ZPBP: variants seen among roughly 807,000 people sequenced by gnomAD.
The protein encoded by ZPBP is zona pellucida binding protein, also known as zona pellucida-binding protein 1.
A neutral mutation model predicts 44.8 loss-of-function variants in ZPBP; 26 were observed. The observed-to-expected ratio is 0.58, with a 90% confidence interval of 0.43 to 0.81. The LOEUF (loss-of-function observed/expected upper bound fraction) is 0.81. Ranked by LOEUF, ZPBP falls within the 30% of genes least tolerant of loss-of-function variation. ZPBP has a pLI of 0.00. For missense variants in ZPBP, 409 were observed against 434.0 expected (o/e 0.94, Z 0.51); for synonymous variants, 174 against 153.2 (o/e 1.14, Z -1.00).
At chr7:49,891,658 G>A (rs1242441554) in intron 2 of ZPBP, among the ~76,000 whole-genome samples, 1 of 152,120 alleles carries the variant, frequency 6.6e-6, no homozygotes, top group African/African-American at 2.4e-5. Flanking sequence ...TGGATCAACT[G>A]GAGTTCTTAT....
chr7:49,985,247 T>A (rs550404205), intron 6 of ZPBP, among the ~76,000 whole-genome samples: 1 of 152,344 alleles, frequency 6.6e-6, no homozygotes, highest in South Asian at 2.1e-4. Flanking sequence ...TCACATTTAT[T>A]TCAATGTTTA....
chr7:49,945,922 C>T (rs1795085143), intron 7 of ZPBP, among the ~76,000 whole-genome samples: 1 of 151,810 alleles, frequency 6.6e-6, no homozygotes, highest in South Asian at 2.1e-4. Context: ...TTCTTTTCTT[C>T]CTGTATTCCT....
intron 7 of ZPBP, among the ~76,000 whole-genome samples, chr7:49,975,019 T>A (rs1455396880): frequency 6.6e-6 from 1 of 152,050 alleles, no homozygotes; most frequent in African/African-American, 2.4e-5. Context: ...TGGCATTCCC[T>A]CCCATGCCCT....
At chr7:49,978,252 T>C (rs1780011214) in intron 7 of ZPBP, among the ~76,000 whole-genome samples, 1 of 151,838 alleles carries the variant, frequency 6.6e-6, no homozygotes, top group East Asian at 1.9e-4. Flanking sequence ...TAGTATATTA[T>C]ATAATTTATA....
At chr7:50,066,518 A>T (rs1448078541) in intron 3 of ZPBP, among the ~76,000 whole-genome samples, 1 of 152,158 alleles carries the variant, frequency 6.6e-6, no homozygotes. Context: ...CTTTTAGTAT[A>T]GGCAGAAATG....
intron 3 of ZPBP, among the ~76,000 whole-genome samples, chr7:50,069,335 C>T (rs1035976344): frequency 6.6e-6 from 1 of 152,094 alleles, no homozygotes; most frequent in Admixed American, 6.5e-5. Context: ...TCACTATTGG[C>T]TTGGCGGTGC....
the ZPBP span, among the ~76,000 whole-genome samples, chr7:49,844,972 C>T: frequency 6.6e-5 from 10 of 152,310 alleles, no homozygotes; most frequent in African/African-American, 2.4e-4. Context: ...CAGCAGCCAC[C>T]GCACCCGGCC....
At chr7:49,980,831 T>C (rs1051200655) in intron 7 of ZPBP, among the ~76,000 whole-genome samples, 3 of 152,094 alleles carry the variant, frequency 2.0e-5, no homozygotes, top group Admixed American at 6.6e-5. Context: ...AAACAAACCA[T>C]AGCCAAATCA....
intron 6 of ZPBP, among the ~76,000 whole-genome samples, chr7:50,006,406 A>C (rs1798314538): frequency 6.6e-6 from 1 of 152,068 alleles, no homozygotes. Context: ...GGTTGAAATA[A>C]TACAAAGAAT....
intron 1 of ZPBP, chr7:49,912,172 G>T: frequency 1.2e-6 from 2 of 1,613,880 alleles, no homozygotes; most frequent in South Asian, 1.1e-5. Flanking sequence ...AGACATGAAT[G>T]CAGGCAAATG....
At chr7:50,003,254 T>C (rs1459360980) in intron 6 of ZPBP, among the ~76,000 whole-genome samples, 1 of 152,142 alleles carries the variant, frequency 6.6e-6, no homozygotes, top group East Asian at 1.9e-4. Context: ...TTTTCCCCCA[T>C]GGAAACCCTG....
chr7:50,003,666 T>C lies in ZPBP; in HGVS notation c.783+14574A>G, dbSNP rs541644306. 5.3e-5 allele frequency among the ~76,000 whole-genome samples: 8 copies of C among 152,308 alleles called. No homozygotes were observed. In the South Asian group the frequency reaches 1.7e-3, roughly 32 times the overall value. On this transcript the variant is annotated intron_variant, in intron 6 of 7. Transcript: ENST00000046087. ...GGCAGGTGATGTGGTGTGCTGGAAC[T>C]GCAGAACAAGTTTGAAGGGACCCAG...
At chr7:50,006,845 A>T (rs1738772033) in intron 6 of ZPBP, among the ~76,000 whole-genome samples, 1 of 152,052 alleles carries the variant, frequency 6.6e-6, no homozygotes, top group African/African-American at 2.4e-5. Context: ...CTAAAATCAG[A>T]ACTGAAAGTG....
At chr7:49,847,124 C>T (rs1389979781), downstream of ZPBP, among the ~76,000 whole-genome samples, 1 of 151,606 alleles carries the variant, frequency 6.6e-6, no homozygotes, top group African/African-American at 2.4e-5. Context: ...ACTTGTGACA[C>T]GAATAGGTGT....
At chr7:50,009,234 C>CAAAA (rs57312395) in intron 6 of ZPBP, among the ~76,000 whole-genome samples, 49 of 125,186 alleles carry the variant, frequency 3.9e-4, no homozygotes, top group Non-Finnish European at 6.2e-4. Context: ...GACTCTGTCT[C>CAAAA]AAAAAAAAAA....
At chr7:49,910,612 A>C (rs1793355815) in intron 1 of ZPBP, among the ~76,000 whole-genome samples, 1 of 152,240 alleles carries the variant, frequency 6.6e-6, no homozygotes, top group Admixed American at 6.5e-5. Flanking sequence ...TTTTAAAAAA[A>C]AATGTGTTTT....
At chr7:50,032,924 G>C (rs1448090097) in intron 4 of ZPBP, among the ~76,000 whole-genome samples, 1 of 152,152 alleles carries the variant, frequency 6.6e-6, no homozygotes, top group African/African-American at 2.4e-5. Context: ...AATACAATTA[G>C]ACTGGGTAAG....
intron 6 of ZPBP, among the ~76,000 whole-genome samples, chr7:49,998,116 C>T (rs1361580860): frequency 6.6e-6 from 1 of 152,066 alleles, no homozygotes; most frequent in Non-Finnish European, 1.5e-5. Flanking sequence ...CAAGGTTTCA[C>T]CATATTGGCC....
At chr7:49,876,201 T>C (rs1159838527) in intron 2 of ZPBP, among the ~76,000 whole-genome samples, 3 of 152,208 alleles carry the variant, frequency 2.0e-5, no homozygotes, top group African/African-American at 7.2e-5. Context: ...ACAGGTTGGG[T>C]AAATCACGTC....
Sources: gnomAD v4.1 joint callset for allele counts (sites outside exome capture counted in the v4.1 genomes callset) on GRCh38, gnomAD v4.1.1 for gene constraint, MANE v1.5 for transcripts, NCBI Gene and HGNC (gene_info 2026-07-23, HGNC 2026-07-21) for gene names.